The following RBFOX1 variants were observed in gnomAD, a reference collection of about 807,000 sequenced individuals.
The protein encoded by RBFOX1 is RNA binding fox-1 homolog 1.
Under a neutral mutation model 57.7 loss-of-function variants are expected in RBFOX1, and 8 were observed. The ratio of observed to expected loss-of-function variants is 0.14; its 90% confidence interval spans 0.08 to 0.25. The LOEUF (loss-of-function observed/expected upper bound fraction) is 0.25, where lower values mean the gene tolerates loss of function less well. Ranked by LOEUF, RBFOX1 falls within the 10% of genes least tolerant of loss-of-function variation. The pLI is 1.00. For synonymous variants in RBFOX1, 326 were observed against 222.4 expected (o/e 1.47, Z -4.15); for missense variants, 611 against 548.5 (o/e 1.11, Z -1.14).
chr16:5,571,282 G>T lies in RBFOX1; in HGVS notation c.259-27620G>T, dbSNP rs954272313. ...GTCACCCAGGCTGGAGTGCAGTGTT[G>T]TGATCTCAGCTCACTGCAGCCTCCA... On this transcript the variant is annotated intron_variant, in intron 2 of 2. Transcript: ENST00000585867. 4.2e-5 allele frequency among the ~76,000 whole-genome samples: 5 copies of T among 119,304 alleles called. 1 individual carries two copies. In the Middle Eastern group the frequency reaches 0.021, roughly 511 times the overall value. The allele number at this position is 119,304 out of a possible 152,430, so 78.3% of individuals were successfully genotyped here.
intron 10 of RBFOX1, among the ~76,000 whole-genome samples, chr16:7,627,304 T>G (rs1294639021): frequency 1.3e-5 from 2 of 152,082 alleles, no homozygotes; most frequent in Non-Finnish European, 2.9e-5. Context: ...GCCTACTGGC[T>G]GTGTTGAGAA....
At chr16:5,983,991 A>T (rs1438141657) in intron 4 of RBFOX1, among the ~76,000 whole-genome samples, 3 of 108,262 alleles carry the variant, frequency 2.8e-5, no homozygotes, top group Non-Finnish European at 5.3e-5. Context: ...TTCCTCCCAC[A>T]TTCTTCTTCT....
At position 7,139,176 on chromosome 16, in the gene RBFOX1, C is replaced by CTCTCTCTCTCTGTGTG. The variant is rs372381673; in HGVS notation, c.27+87079_27+87080insCTCTCTCTCTGTGTGT. ...TAATGCAGATGAAATCAATCTCTCT[C>CTCTCTCTCTCTGTGTG]TGTGTGTGTGTGTGTGTGTGTATGT... On this transcript the variant is annotated intron_variant, in intron 4 of 15. Transcript: ENST00000550418. 9.9e-3 allele frequency among the ~76,000 whole-genome samples: 1,444 copies of CTCTCTCTCTCTGTGTG among 145,850 alleles called. 27 individuals carry two copies. Among genetic ancestry groups the CTCTCTCTCTCTGTGTG allele is most frequent in the African/African-American group, 0.032 (1,232 of 38,910 alleles).
chr16:7,394,036 G>C (rs1455967842), intron 4 of RBFOX1, among the ~76,000 whole-genome samples: 1 of 151,918 alleles, frequency 6.6e-6, no homozygotes, highest in African/African-American at 2.4e-5. Context: ...AGGAGTTGGA[G>C]ACCATCCTGG....
intron 4 of RBFOX1, among the ~76,000 whole-genome samples, chr16:7,263,790 A>G (rs540351661): frequency 6.6e-6 from 1 of 152,016 alleles, no homozygotes; most frequent in South Asian, 2.1e-4. Flanking sequence ...CAGCTGCTCA[A>G]GAGGTAGGCT....
At chr16:7,479,542 C>T (rs551240534) in intron 4 of RBFOX1, among the ~76,000 whole-genome samples, 3 of 152,270 alleles carry the variant, frequency 2.0e-5, no homozygotes, top group South Asian at 2.1e-4. Flanking sequence ...CAAGAGCCTG[C>T]CTTTTCCCGG....
At chr16:6,600,139 C>G (rs1031172824) in intron 2 of RBFOX1, among the ~76,000 whole-genome samples, 1 of 152,154 alleles carries the variant, frequency 6.6e-6, no homozygotes, top group Non-Finnish European at 1.5e-5. Context: ...GACCCATCAC[C>G]CAATTTAGTA....
intron 3 of RBFOX1, among the ~76,000 whole-genome samples, chr16:6,749,898 A>T (rs929880813): frequency 1.3e-5 from 2 of 152,196 alleles, no homozygotes; most frequent in Non-Finnish European, 2.9e-5. Flanking sequence ...CCATTTCTAC[A>T]TCCTCAGAAT....
At chr16:6,683,214 G>C (rs774932111) in intron 3 of RBFOX1, among the ~76,000 whole-genome samples, 11 of 152,260 alleles carry the variant, frequency 7.2e-5, no homozygotes, top group African/African-American at 1.7e-4. Flanking sequence ...AAGGGTGAGA[G>C]AACTGTTCTA....
intron 4 of RBFOX1, among the ~76,000 whole-genome samples, chr16:7,189,489 C>G (rs1020153894): frequency 3.4e-5 from 5 of 149,080 alleles, no homozygotes; most frequent in Non-Finnish European, 5.9e-5. Context: ...GAGACCCACA[C>G]TGATTCAGGT....
chr16:5,897,089 G>A (rs544942032), intron 4 of RBFOX1, among the ~76,000 whole-genome samples: 32 of 135,678 alleles, frequency 2.4e-4, no homozygotes, highest in East Asian at 4.7e-4. Flanking sequence ...ACTGCGGACT[G>A]CAGTGGCGCA....
At chr16:7,086,729 C>G (rs1191885188) in intron 4 of RBFOX1, among the ~76,000 whole-genome samples, 1 of 152,082 alleles carries the variant, frequency 6.6e-6, no homozygotes, top group Non-Finnish European at 1.5e-5. Context: ...TATACACACA[C>G]ACACACACAC....
In RBFOX1 at chr16:7,179,393, C is replaced by G. The variant is rs1163106995; in HGVS notation, c.27+127295C>G. On this transcript the variant is annotated intron_variant, in intron 4 of 15. Transcript: ENST00000550418. ...AAAAATCCCTTTGGGGAATAATTTT[C>G]TCTGCCTTCCATCTCTCTCAATGAT... 2.6e-5 allele frequency among the ~76,000 whole-genome samples: 4 copies of G among 152,164 alleles called. 1 individual carries two copies. The highest frequency in any genetic ancestry group is 2.0e-4 in the Admixed American group (3 of 15,274).
rs535427216 is a variant in RBFOX1, at chr16:6,239,564, C to T, written c.-126-77431C>T. Among the ~76,000 whole-genome samples the T allele has an allele frequency of 2.7e-3, 362 of 136,384 alleles. 2 individuals are homozygous for T. Among genetic ancestry groups the T allele is most frequent in the African/African-American group, 9.0e-3 (331 of 36,808 alleles). 89.5% of individuals were successfully genotyped at this position (136,384 alleles called of 152,430 possible). A position where few individuals can be genotyped will look rare whatever the true frequency, so the allele number is the denominator to read the frequency against. On this transcript the variant is annotated intron_variant, in intron 1 of 15. Coordinates refer to ENST00000550418, the MANE Select transcript of RBFOX1 (RefSeq NM_018723.4). ...CCCAGGCTGGAGTGCAGTGGCACAACCTCGGCTTACTGCATCCTCCGCCAC... is the reference window on the plus strand; with the variant it reads ...CCCAGGCTGGAGTGCAGTGGCACAATCTCGGCTTACTGCATCCTCCGCCAC...
At chr16:7,622,702 G>A (rs532312140) in intron 10 of RBFOX1, among the ~76,000 whole-genome samples, 9 of 150,032 alleles carry the variant, frequency 6.0e-5, no homozygotes, top group East Asian at 1.9e-4. Flanking sequence ...AGACAGATGC[G>A]CTTCAGGGCC....
intron 3 of RBFOX1, among the ~76,000 whole-genome samples, chr16:5,664,400 T>C (rs890181767): frequency 6.6e-6 from 1 of 151,982 alleles, no homozygotes; most frequent in Non-Finnish European, 1.5e-5. Context: ...ATACAAAAAT[T>C]AGCTGGGCAC....
At chr16:6,808,160 A>ATGTGTG (rs373756020) in intron 3 of RBFOX1, among the ~76,000 whole-genome samples, 4,095 of 139,996 alleles carry the variant, frequency 0.029, 84 homozygotes, top group Middle Eastern at 0.049. Context: ...TACCTTATAT[A>ATGTGTG]TGTGTGTGTG....
intron 4 of RBFOX1, among the ~76,000 whole-genome samples, chr16:7,253,025 A>G (rs1277091869): frequency 6.6e-6 from 1 of 152,172 alleles, no homozygotes; most frequent in African/African-American, 2.4e-5. Flanking sequence ...CTTCTGGGTA[A>G]ATGAGTGTTC....
intron 3 of RBFOX1, among the ~76,000 whole-genome samples, chr16:5,717,795 C>A (rs1249905200): frequency 6.6e-6 from 1 of 152,156 alleles, no homozygotes; most frequent in African/African-American, 2.4e-5. Context: ...GGAGGGCCTC[C>A]CATGATCAGC....
Sources: gnomAD v4.1 joint callset for allele counts (sites outside exome capture counted in the v4.1 genomes callset) on GRCh38, gnomAD v4.1.1 for gene constraint, MANE v1.5 for transcripts, NCBI Gene and HGNC (gene_info 2026-07-23, HGNC 2026-07-21) for gene names.